CPS1: variants seen among roughly 807,000 people sequenced by gnomAD.
The protein encoded by CPS1 is carbamoyl-phosphate synthase 1.
Under a neutral mutation model 174.6 loss-of-function variants are expected in CPS1, and 109 were observed. The observed-to-expected ratio is 0.62, with a 90% CI of 0.53 to 0.73. The LOEUF (loss-of-function observed/expected upper bound fraction) is 0.73, where lower values mean the gene tolerates loss of function less well. CPS1 is among the 30% of genes least tolerant of loss of function. The pLI is 0.00. For synonymous variants in CPS1, 637 were observed against 632.0 expected (o/e 1.01, Z -0.12); for missense variants, 1,689 against 1,821.9 (o/e 0.93, Z 1.33).
chr2:210,674,928 T>C lies in CPS1; in HGVS notation c.4128T>C (p.Gly1376=), dbSNP rs777517524. 3.1e-6 allele frequency: 5 copies of C among 1,613,924 alleles called. No individual in the cohort carries two copies. The highest frequency in any genetic ancestry group is 4.2e-6 in the Non-Finnish European group (5 of 1,179,856). Residue 1376 remains glycine, a synonymous_variant, in exon 35 of 38, where the codon GGT becomes GGC. Coordinates refer to ENST00000233072, the MANE Select transcript of CPS1 (RefSeq NM_001875.5). ...AATCATTCCGGCCAAGATTCCTTGG[T>C]GTGGCTGAACAATTACACAATGAAG... ...IQQSFRPRFL[G]VAEQLHNEGF... is the part of the protein sequence containing the mutation.
intron 1 of CPS1, among the ~76,000 whole-genome samples, chr2:210,544,585 T>C (rs1352373336): frequency 6.6e-6 from 1 of 152,084 alleles, no homozygotes; most frequent in African/African-American, 2.4e-5. Flanking sequence ...TATGTAAATA[T>C]TACTTGAAAT....
chr2:210,599,311 G>A, intron 13 of CPS1, 61 bp from the exon 14 acceptor site: 1 of 1,494,446 alleles, frequency 6.7e-7, no homozygotes, highest in Non-Finnish European at 9.3e-7. Context: ...TTTTATTTAA[G>A]TGTGGTCATT....
intron 1 of CPS1, among the ~76,000 whole-genome samples, chr2:210,560,756 A>C (rs745730145): frequency 5.9e-5 from 9 of 152,166 alleles, no homozygotes; most frequent in Admixed American, 1.3e-4. Context: ...ATTTACTTAC[A>C]TTGTAGTAGC....
intron 1 of CPS1, among the ~76,000 whole-genome samples, chr2:210,509,713 A>AC (rs1296449123): frequency 2.0e-5 from 3 of 152,210 alleles, no homozygotes; most frequent in Non-Finnish European, 4.4e-5. Flanking sequence ...TGCAAAAATC[A>AC]CAAGCATTCT....
At chr2:210,611,542 A>G (rs998151483) in intron 19 of CPS1, among the ~76,000 whole-genome samples, 2 of 149,240 alleles carry the variant, frequency 1.3e-5, no homozygotes, top group Non-Finnish European at 3.0e-5. Context: ...GGAAAGACAC[A>G]TTGAATTTGT....
Position 210,556,833 on chromosome 2 carries a change from C to T in CPS1, c.100C>T (p.Pro34Ser). 6.2e-7 allele frequency: 1 copy of T among 1,612,996 alleles called. No homozygotes were observed. The highest frequency in any genetic ancestry group is 1.1e-5 in the South Asian group (1 of 91,066). Residue 34 changes from proline to serine, a missense_variant, in exon 1 of 38, where the codon CCT becomes TCT. Transcript: ENST00000233072. Reference sequence around the variant, plus strand: ...ACACCAAAAATGGAAATTTTCAAGACCTGGCATCAGGCTCCTTTCTGTCAA... The same window carrying T: ...ACACCAAAAATGGAAATTTTCAAGATCTGGCATCAGGCTCCTTTCTGTCAA... ...TAHQKWKFSR[P>S]GIRLLSVKAQ...
intron 23 of CPS1, 38 bp downstream of exon 23, chr2:210,639,253 G>T: frequency 7.0e-7 from 1 of 1,424,858 alleles, no homozygotes; most frequent in Non-Finnish European, 9.9e-7. Flanking sequence ...GAAAGCTCTA[G>T]ATTTCATAGA....
Position 210,677,980 on chromosome 2 carries a change from G to A in CPS1, c.4498G>A (p.Ala1500Thr). 4 of 1,609,804 alleles carry A rather than the reference G, an allele frequency of 2.5e-6. No individual in the cohort carries two copies. In the South Asian group the frequency reaches 3.3e-5, roughly 13 times the overall value. Reference protein sequence around the residue: ...HYRQYSAGKAA With the variant: ...HYRQYSAGKAT ...CAGGCAGTACAGTGCTGGAAAAGCA[G>A]CATAGAGATGCAGACACCCCAGCCC... The change falls in exon 38 of 38, where the codon GCA becomes ACA. Residue 1500 changes from alanine (A) to threonine (T), a missense_variant. Coordinates refer to ENST00000233072, the MANE Select transcript of CPS1 (RefSeq NM_001875.5).
upstream of CPS1, among the ~76,000 whole-genome samples, chr2:210,554,352 C>A (rs1207613646): frequency 6.6e-6 from 1 of 151,426 alleles, no homozygotes; most frequent in Admixed American, 6.6e-5. Flanking sequence ...CCCATTAAAA[C>A]TCTCATGCCC....
At chr2:210,480,167 CT>C (rs1166633279) in intron 1 of CPS1, among the ~76,000 whole-genome samples, 1 of 152,156 alleles carries the variant, frequency 6.6e-6, no homozygotes, top group Non-Finnish European at 1.5e-5. Flanking sequence ...GTGTGATGCT[CT>C]CATCAAGTCC....
intron 1 of CPS1, among the ~76,000 whole-genome samples, chr2:210,508,619 G>T (rs929205856): frequency 1.8e-4 from 27 of 152,118 alleles, no homozygotes; most frequent in Admixed American, 6.5e-4. Context: ...CAACAAAATT[G>T]ATAGACCACT....
intron 1 of CPS1, among the ~76,000 whole-genome samples, chr2:210,563,841 C>T (rs1697189831): frequency 6.6e-6 from 1 of 152,120 alleles, no homozygotes; most frequent in African/African-American, 2.4e-5. Context: ...AGCATAGCAC[C>T]AGGGACAGAT....
chr2:210,625,477 T>C (rs565406441), intron 21 of CPS1, among the ~76,000 whole-genome samples: 130 of 152,218 alleles, frequency 8.5e-4, no homozygotes, highest in African/African-American at 3.1e-3. Context: ...TTAGGAGGTA[T>C]GTGTCTCTAT....
chr2:210,562,770 T>G (rs2106049509), intron 1 of CPS1, among the ~76,000 whole-genome samples: 1 of 152,188 alleles, frequency 6.6e-6, no homozygotes, highest in Non-Finnish European at 1.5e-5. Context: ...TGCAAATAGT[T>G]TACGTAGATA....
At chr2:210,564,264 A>G (rs1697206296) in intron 1 of CPS1, among the ~76,000 whole-genome samples, 1 of 152,200 alleles carries the variant, frequency 6.6e-6, no homozygotes, top group Admixed American at 6.5e-5. Context: ...ATTTCTACTT[A>G]TATGTAACCC....
chr2:210,596,335 A>G (rs538930887), intron 13 of CPS1, among the ~76,000 whole-genome samples: 1 of 152,058 alleles, frequency 6.6e-6, no homozygotes, highest in South Asian at 2.1e-4. Context: ...GCTCTTGGTG[A>G]CATTGCCTCA....
At chr2:210,607,295 C>A (rs1698947100) in intron 18 of CPS1, among the ~76,000 whole-genome samples, 1 of 151,866 alleles carries the variant, frequency 6.6e-6, no homozygotes, top group Non-Finnish European at 1.5e-5. Context: ...AGGTGTATAG[C>A]CCTATAGCAA....
intron 23 of CPS1, 63 bp downstream of exon 23, chr2:210,639,278 G>A: frequency 1.6e-6 from 2 of 1,277,582 alleles, no homozygotes; most frequent in Non-Finnish European, 2.3e-6. Context: ...TCACATTAGG[G>A]AATATATATT....
chr2:210,507,815 C>G (rs1172877685), intron 1 of CPS1, among the ~76,000 whole-genome samples: 1 of 152,066 alleles, frequency 6.6e-6, no homozygotes, highest in Admixed American at 6.5e-5. Context: ...ATCAATGCAA[C>G]AAGAAGAGCT....
Sources: gnomAD v4.1 joint callset for allele counts (sites outside exome capture counted in the v4.1 genomes callset) on GRCh38, gnomAD v4.1.1 for gene constraint, MANE v1.5 for transcripts, NCBI Gene and HGNC (gene_info 2026-07-23, HGNC 2026-07-21) for gene names.